The following PCDH9 variants were observed in gnomAD, a reference collection of about 807,000 sequenced individuals.
The protein encoded by PCDH9 is protocadherin 9.
PCDH9 carries 24 observed loss-of-function variants against 70.6 expected under a neutral mutation model. The observed-to-expected ratio is 0.34, with a 90% CI of 0.25 to 0.48. The LOEUF (loss-of-function observed/expected upper bound fraction) is 0.48, where lower values mean the gene tolerates loss of function less well. PCDH9 is among the 20% of genes least tolerant of loss of function. The probability of loss-of-function intolerance (pLI) is 0.99; values close to 1 mark genes in which losing one functional copy is unlikely to be tolerated. For synonymous variants in PCDH9, 562 were observed against 558.5 expected, an observed-to-expected ratio of 1.01 and a Z score of -0.09; for missense variants, 1,281 against 1,503.6, an observed-to-expected ratio of 0.85 and a Z score of 2.45.
At chr13:66,961,277 T>C (rs770825128) in intron 2 of PCDH9, among the ~76,000 whole-genome samples, 3 of 152,178 alleles carry the variant, frequency 2.0e-5, no homozygotes, top group East Asian at 3.8e-4. Context: ...GGGGGTTATA[T>C]TGATGAAATA....
chr13:66,496,314 C>T (rs949918970), intron 4 of PCDH9, among the ~76,000 whole-genome samples: 4 of 152,194 alleles, frequency 2.6e-5, no homozygotes, highest in Admixed American at 6.5e-5. Flanking sequence ...TCAGACATCA[C>T]ATACCTCCAG....
At chr13:66,388,310 G>T (rs1956963988) in intron 4 of PCDH9, among the ~76,000 whole-genome samples, 1 of 152,124 alleles carries the variant, frequency 6.6e-6, no homozygotes, top group African/African-American at 2.4e-5. Context: ...TAGAATTCGT[G>T]TACATAGGAT....
chr13:66,583,570 C>G (rs887114068), intron 4 of PCDH9, among the ~76,000 whole-genome samples: 1 of 151,538 alleles, frequency 6.6e-6, no homozygotes. Flanking sequence ...GCTGAGATCC[C>G]GCCACTGTAC....
At chr13:67,043,850 T>C (rs1304740907) in intron 2 of PCDH9, among the ~76,000 whole-genome samples, 6 of 152,110 alleles carry the variant, frequency 3.9e-5, no homozygotes, top group Non-Finnish European at 8.8e-5. Flanking sequence ...TTATGCCCTG[T>C]AGGAGAGTAG....
At chr13:67,100,925 A>C (rs1448452197) in intron 2 of PCDH9, among the ~76,000 whole-genome samples, 1 of 152,200 alleles carries the variant, frequency 6.6e-6, no homozygotes, top group Non-Finnish European at 1.5e-5. Flanking sequence ...ACTCAAAAAA[A>C]ATGGGTGTGT....
At chr13:66,383,108 G>C (rs1263713828) in intron 4 of PCDH9, among the ~76,000 whole-genome samples, 1 of 152,116 alleles carries the variant, frequency 6.6e-6, no homozygotes. Flanking sequence ...GCACAATATA[G>C]TTCACTTGAG....
rs570791475 is a variant in PCDH9, at chr13:67,040,676, C to T, written c.3037-137071G>A. Among the ~76,000 whole-genome samples the T allele has an allele frequency of 3.9e-5, 6 of 151,952 alleles. No homozygotes were observed. The East Asian group carries it at 7.7e-4, about 20-fold the overall frequency. On this transcript the variant is annotated intron_variant, in intron 2 of 4. Coordinates refer to ENST00000377865, the MANE Select transcript of PCDH9 (RefSeq NM_203487.3). ...TTACAGTAGCCCAAACTGAATATGA[C>T]ATTTAGGTTAAAAAAAATATATATT... is the stretch of plus-strand genomic sequence containing the variant.
chr13:66,692,092 C>T (rs2078496078), intron 3 of PCDH9, among the ~76,000 whole-genome samples: 1 of 152,124 alleles, frequency 6.6e-6, no homozygotes, highest in Admixed American at 6.5e-5. Context: ...AGATGAGGAA[C>T]ATGCTATAAC....
rs144898524 is a variant in PCDH9 at position 66,818,484 on chromosome 13, A to C, written c.3138+85020T>G. On this transcript the variant is annotated intron_variant, in intron 3 of 4. Transcript: ENST00000377865. Reference sequence around the variant, plus strand: ...ACACAGAAAATGACATCTTAAACTCATGCTGTGACATAGTATCTGCAGAAA... The same window carrying C: ...ACACAGAAAATGACATCTTAAACTCCTGCTGTGACATAGTATCTGCAGAAA... Among the ~76,000 whole-genome samples the C allele has an allele frequency of 4.8e-4, 73 of 152,346 alleles. 1 individual carries two copies. The highest frequency in any genetic ancestry group is 1.6e-3 in the African/African-American group (66 of 41,588).
intron 4 of PCDH9, among the ~76,000 whole-genome samples, chr13:66,612,386 A>G (rs2077303529): frequency 6.6e-6 from 1 of 152,200 alleles, no homozygotes; most frequent in Non-Finnish European, 1.5e-5. Flanking sequence ...CCATTCCATG[A>G]TAGAGCAATG....
At chr13:66,723,467 C>T (rs976046254) in intron 3 of PCDH9, among the ~76,000 whole-genome samples, 3 of 152,072 alleles carry the variant, frequency 2.0e-5, no homozygotes, top group Admixed American at 1.3e-4. Flanking sequence ...AAGGATTTGT[C>T]GGTGTTTCAT....
At chr13:66,672,660 G>A (rs561921991) in intron 3 of PCDH9, among the ~76,000 whole-genome samples, 46 of 152,314 alleles carry the variant, frequency 3.0e-4, no homozygotes, top group Non-Finnish European at 2.8e-4. Flanking sequence ...TTGGGAGGGG[G>A]GCTGTACTCT....
intron 3 of PCDH9, among the ~76,000 whole-genome samples, chr13:66,794,817 G>T (rs1251509461): frequency 1.3e-5 from 2 of 151,800 alleles, no homozygotes; most frequent in Non-Finnish European, 2.9e-5. Flanking sequence ...TACCATTTTT[G>T]GTTCCCTTTT....
chr13:66,645,904 A>G (rs956942476), intron 3 of PCDH9, among the ~76,000 whole-genome samples: 2 of 152,224 alleles, frequency 1.3e-5, no homozygotes, highest in Admixed American at 6.5e-5. Context: ...GAAAGATCCA[A>G]TCTATACAGG....
chr13:66,950,078 C>T (rs910618722), intron 2 of PCDH9, among the ~76,000 whole-genome samples: 6 of 151,734 alleles, frequency 4.0e-5, no homozygotes, highest in African/African-American at 1.2e-4. Flanking sequence ...AAAATAATAC[C>T]GCTTATCAAA....
chr13:66,885,495 T>C (rs2081990678), intron 3 of PCDH9, among the ~76,000 whole-genome samples: 1 of 152,200 alleles, frequency 6.6e-6, no homozygotes, highest in Non-Finnish European at 1.5e-5. Context: ...GTACTTAGTT[T>C]TGAGCCATGA....
chr13:66,425,784 C>T (rs186626829), intron 4 of PCDH9, among the ~76,000 whole-genome samples: 361 of 151,692 alleles, frequency 2.4e-3, no homozygotes, highest in Middle Eastern at 6.8e-3. Flanking sequence ...ATGACTAATA[C>T]TTATCATACA....
intron 2 of PCDH9, among the ~76,000 whole-genome samples, chr13:67,039,797 T>C (rs2085076777): frequency 6.6e-6 from 1 of 152,142 alleles, no homozygotes; most frequent in African/African-American, 2.4e-5. Context: ...TCCGACTTTG[T>C]AGCGAAGTTG....
rs987656623 is a variant in PCDH9 at position 67,088,257 on chromosome 13, T to C, written c.3036+137148A>G. Among the ~76,000 whole-genome samples, 11 of 152,166 alleles carry C rather than the reference T, an allele frequency of 7.2e-5. 1 individual carries two copies. Among genetic ancestry groups the C allele is most frequent in the African/African-American group, 1.7e-4 (7 of 41,546 alleles). ...ATGCCTCTTGGATCTCAAATCATTT[T>C]AGATTGTGATTTAGTTTTACCCAGC... On this transcript the variant is annotated intron_variant, in intron 2 of 4. Coordinates refer to ENST00000377865, the MANE Select transcript of PCDH9 (RefSeq NM_203487.3).
Sources: allele counts gnomAD v4.1 joint callset (sites outside exome capture counted in the v4.1 genomes callset), GRCh38; gene constraint gnomAD v4.1.1; transcripts MANE v1.5; gene names NCBI Gene and HGNC (gene_info 2026-07-23, HGNC 2026-07-21).